Variants in TRPC3 observed in about 807,000 individuals in gnomAD.
The protein encoded by TRPC3 is transient receptor potential cation channel subfamily C member 3, also known as short transient receptor potential channel 3.
In TRPC3, 54 loss-of-function variants were observed where a neutral mutation model predicts 90.9. The ratio of observed to expected loss-of-function variants is 0.59; its 90% CI spans 0.48 to 0.75. The LOEUF is 0.75. Among genes scored for constraint, TRPC3 ranks in the 30% least tolerant of loss-of-function variants. The pLI is 0.00. For synonymous variants in TRPC3, 424 were observed against 450.9 expected, an observed-to-expected ratio of 0.94 and a Z score of 0.75; for missense variants, 918 against 1,194.5, an observed-to-expected ratio of 0.77 and a Z score of 3.41.
chr4:121,930,023 A>G (rs1315736920), intron 2 of TRPC3, among the ~76,000 whole-genome samples: 1 of 152,192 alleles, frequency 6.6e-6, no homozygotes, highest in Non-Finnish European at 1.5e-5. Context: ...TCTCAGGGTC[A>G]GTGCTATGAA....
chr4:121,915,810 C>T (rs368938535), intron 3 of TRPC3, among the ~76,000 whole-genome samples: 28 of 152,240 alleles, frequency 1.8e-4, no homozygotes, highest in African/African-American at 5.3e-4. Flanking sequence ...TGTACTCAGG[C>T]CCTTGTAAAG....
In TRPC3 at chr4:121,879,622, T is replaced by A. The variant is rs201517294; in HGVS notation, c.*114A>T. ...AAGAGCTAACTTTTAAAGGTTCACA[T>A]GATAAAGGTAGTTAATACTAAAAAT... On this transcript the variant is annotated 3_prime_UTR_variant, in exon 12 of 12. Transcript: ENST00000379645. The A allele has an allele frequency of 7.0e-6, 8 of 1,140,516 alleles. No homozygotes were observed. The South Asian group carries it at 1.2e-4, about 17-fold the overall frequency. The allele number at this position is 1,140,516 out of a possible 1,614,324, so 70.6% of individuals were successfully genotyped here.
intron 6 of TRPC3, among the ~76,000 whole-genome samples, chr4:121,908,850 T>G (rs1381614457): frequency 2.6e-5 from 4 of 152,130 alleles, no homozygotes; most frequent in Admixed American, 2.6e-4. Flanking sequence ...CCTGCACATG[T>G]GCCCTCTGAA....
chr4:121,925,297 T>C, intron 2 of TRPC3, 91 bp from the exon 3 acceptor site: 1 of 1,366,368 alleles, frequency 7.3e-7, no homozygotes, highest in Non-Finnish European at 9.8e-7. Context: ...GTATCCCTTC[T>C]TTTGGGGGTA....
At chr4:121,919,738 T>G (rs937367797) in intron 3 of TRPC3, among the ~76,000 whole-genome samples, 1 of 152,220 alleles carries the variant, frequency 6.6e-6, no homozygotes, top group Non-Finnish European at 1.5e-5. Context: ...AGGATGGCTT[T>G]TCTACATTTA....
At chr4:121,903,867 A>C (rs1320482991) in intron 8 of TRPC3, among the ~76,000 whole-genome samples, 1 of 152,206 alleles carries the variant, frequency 6.6e-6, no homozygotes, top group South Asian at 2.1e-4. Flanking sequence ...TATATACAAC[A>C]GTGAAGAGAG....
intron 3 of TRPC3, among the ~76,000 whole-genome samples, chr4:121,918,918 C>A (rs1197679264): frequency 1.3e-5 from 2 of 152,180 alleles, no homozygotes; most frequent in African/African-American, 4.8e-5. Flanking sequence ...GACCTTTATA[C>A]CTGAAAAGTG....
At chr4:121,947,907 A>G (rs1354394596) in intron 1 of TRPC3, among the ~76,000 whole-genome samples, 1 of 152,210 alleles carries the variant, frequency 6.6e-6, no homozygotes, top group East Asian at 1.9e-4. Flanking sequence ...CAGTAGAGTC[A>G]TAAGTTTTTC....
At chr4:121,945,406 C>T (rs145533496) in intron 1 of TRPC3, among the ~76,000 whole-genome samples, 2 of 152,202 alleles carry the variant, frequency 1.3e-5, no homozygotes, top group Non-Finnish European at 1.5e-5. Flanking sequence ...TTCCATGAAA[C>T]CAAGAGACAT....
chr4:121,889,621 T>C (rs954667904), intron 10 of TRPC3, among the ~76,000 whole-genome samples: 2 of 152,138 alleles, frequency 1.3e-5, no homozygotes, highest in African/African-American at 4.8e-5. Flanking sequence ...ATACTATTGA[T>C]AGGAATGTAA....
intron 11 of TRPC3, among the ~76,000 whole-genome samples, chr4:121,880,788 A>G (rs1266463525): frequency 2.0e-5 from 3 of 152,182 alleles, no homozygotes; most frequent in Non-Finnish European, 4.4e-5. Flanking sequence ...TTAGGTTTTT[A>G]TAATAAAATG....
intron 7 of TRPC3, among the ~76,000 whole-genome samples, chr4:121,906,050 T>A (rs1728868615): frequency 6.6e-6 from 1 of 152,032 alleles, no homozygotes; most frequent in Non-Finnish European, 1.5e-5. Context: ...AAGAGGGGGA[T>A]AGTAAAAAAG....
Position 121,875,754 on chromosome 4 carries a change from A to G in TRPC3, c.*3982T>C, listed in dbSNP as rs565230956. Among the ~76,000 whole-genome samples the G allele has an allele frequency of 1.3e-5, 2 of 152,330 alleles. No individual in the cohort carries two copies. Among genetic ancestry groups the G allele is most frequent in the East Asian group, 3.9e-4 (2 of 5,190 alleles). On this transcript the variant is annotated 3_prime_UTR_variant, in exon 12 of 12. Transcript: ENST00000379645. The stretch of plus-strand genomic sequence containing the variant: ...TTTAAACTGCATTAAAGTTAAAACC[A>G]TCAACACGCTAGTGGTGGTCAGCTG...
chr4:121,942,052 A>C (rs113197884), intron 1 of TRPC3, among the ~76,000 whole-genome samples: 221 of 152,306 alleles, frequency 1.5e-3, no homozygotes, highest in Non-Finnish European at 2.4e-3. Flanking sequence ...CAAACCAGCA[A>C]GATAAGGTGC....
At chr4:121,905,717 G>A (rs1175413743) in intron 7 of TRPC3, among the ~76,000 whole-genome samples, 4 of 152,058 alleles carry the variant, frequency 2.6e-5, no homozygotes, top group Non-Finnish European at 5.9e-5. Context: ...TTATAGATTT[G>A]TAGGTTTTAG....
intron 10 of TRPC3, among the ~76,000 whole-genome samples, chr4:121,894,215 T>C (rs139866428): frequency 2.0e-5 from 3 of 152,154 alleles, no homozygotes; most frequent in East Asian, 1.9e-4. Context: ...TGGAATACAA[T>C]GTAACTACCA....
intron 4 of TRPC3, among the ~76,000 whole-genome samples, chr4:121,912,584 T>G (rs1318416917): frequency 6.6e-6 from 1 of 152,204 alleles, no homozygotes; most frequent in Non-Finnish European, 1.5e-5. Flanking sequence ...TAGTTCTCAT[T>G]TCTAAATATT....
At chr4:121,899,256 T>C (rs559251340) in intron 10 of TRPC3, among the ~76,000 whole-genome samples, 82 of 152,294 alleles carry the variant, frequency 5.4e-4, no homozygotes, top group Non-Finnish European at 1.0e-3. Flanking sequence ...GGGAGCATTA[T>C]TCATTCTAAC....
chr4:121,928,504 G>GTGAACTAAAGTTCACA (rs1729793114), intron 2 of TRPC3, among the ~76,000 whole-genome samples: 1 of 152,200 alleles, frequency 6.6e-6, no homozygotes, highest in African/African-American at 2.4e-5. Context: ...CACATTGACT[G>GTGAACTAAAGTTCACA]TTAGTTCCAC....
Sources: allele counts gnomAD v4.1 joint callset (sites outside exome capture counted in the v4.1 genomes callset), GRCh38; gene constraint gnomAD v4.1.1; transcripts MANE v1.5; gene names NCBI Gene and HGNC (gene_info 2026-07-23, HGNC 2026-07-21).